PBX1: variants seen among roughly 807,000 people sequenced by gnomAD.
PBX1 encodes pre-B-cell leukemia transcription factor 1.
Under a neutral mutation model 53.4 loss-of-function variants are expected in PBX1, and 6 were observed. The observed-to-expected ratio is 0.11, with a 90% CI of 0.06 to 0.22. The LOEUF (loss-of-function observed/expected upper bound fraction) is 0.22, where lower values mean the gene tolerates loss of function less well. PBX1 is among the 10% of genes least tolerant of loss of function. PBX1 has a pLI of 1.00. For missense variants in PBX1, 251 were observed against 551.4 expected, an observed-to-expected ratio of 0.46 and a Z score of 5.46; for synonymous variants, 204 against 212.3, an observed-to-expected ratio of 0.96 and a Z score of 0.34.
At chr1:164,648,755 G>A (rs1441554627) in intron 2 of PBX1, among the ~76,000 whole-genome samples, 1 of 152,196 alleles carries the variant, frequency 6.6e-6, no homozygotes, top group East Asian at 1.9e-4. Context: ...AGATAGGAGA[G>A]AAAACATGAG....
chr1:164,669,995 G>T (rs576573486), intron 2 of PBX1, among the ~76,000 whole-genome samples: 3 of 152,086 alleles, frequency 2.0e-5, no homozygotes, highest in Non-Finnish European at 4.4e-5. Context: ...TTCCAAAGCT[G>T]CCAGCAGTAT....
At chr1:164,776,305 T>A (rs985156478) in intron 2 of PBX1, among the ~76,000 whole-genome samples, 26 of 152,302 alleles carry the variant, frequency 1.7e-4, no homozygotes, top group African/African-American at 6.3e-4. Context: ...ACATGGGTGT[T>A]CCTTAGGTGT....
rs1353300228 is a variant in PBX1, at chr1:164,807,545, G to T, written c.705G>T (p.Arg235=). ...ILRSRFLDAR[R]KRRNFNKQAT... ...TATTTCCTTTCTCTTTACAAAGGCG[G>T]AAGAGACGGAATTTCAACAAGCAAG... Residue 235 remains arginine (R), a synonymous_variant, in exon 5 of 9, where the codon CGG becomes CGT. Transcript: ENST00000420696. 1 of 1,613,158 alleles carries T rather than the reference G, an allele frequency of 6.2e-7. No homozygotes were observed. The highest frequency in any genetic ancestry group is 2.2e-5 in the East Asian group (1 of 44,868).
Position 164,705,096 on chromosome 1 carries a change from G to A in PBX1, c.266-87398G>A, listed in dbSNP as rs150204574. 7.6e-3 allele frequency among the ~76,000 whole-genome samples: 1,153 copies of A among 152,176 alleles called. 18 individuals are homozygous for A. Among genetic ancestry groups the A allele is most frequent in the African/African-American group, 0.027 (1,101 of 41,500 alleles). The stretch of plus-strand genomic sequence containing the variant: ...TTGAGGCCAGATGATCCTTCATTAT[G>A]GGGGCTGCCCTGTGTACCGTAAGCT... On this transcript the variant is annotated intron_variant, in intron 2 of 8. Transcript: ENST00000420696.
At chr1:164,873,084 G>A (rs1212468532) in intron 2 of PBX1, among the ~76,000 whole-genome samples, 3 of 152,112 alleles carry the variant, frequency 2.0e-5, no homozygotes, top group Non-Finnish European at 4.4e-5. Context: ...AGAAACTTTA[G>A]GTAACTTAGG....
intron 2 of PBX1, among the ~76,000 whole-genome samples, chr1:164,735,599 G>A (rs1486421503): frequency 6.6e-6 from 1 of 152,176 alleles, no homozygotes; most frequent in Non-Finnish European, 1.5e-5. Flanking sequence ...CTTTCAGAAC[G>A]AATGGCTTTA....
At chr1:164,754,127 G>C (rs1666375236) in intron 2 of PBX1, among the ~76,000 whole-genome samples, 1 of 152,174 alleles carries the variant, frequency 6.6e-6, no homozygotes, top group Non-Finnish European at 1.5e-5. Flanking sequence ...GTGATAGTGT[G>C]TGCCCACTGC....
intron 2 of PBX1, among the ~76,000 whole-genome samples, chr1:164,695,556 A>G (rs72696452): frequency 0.029 from 4,353 of 152,286 alleles, 129 homozygotes; most frequent in Middle Eastern, 0.037. Context: ...AGTTCTAGAT[A>G]TTCCTCTTCC....
chr1:164,590,477 C>T (rs1232552957), intron 2 of PBX1: 1 of 455,954 alleles, frequency 2.2e-6, no homozygotes, highest in Non-Finnish European at 4.4e-6. Context: ...GGGGCCTAAA[C>T]TGACGAGGAG....
chr1:164,724,053 G>C (rs1664548259), intron 2 of PBX1, among the ~76,000 whole-genome samples: 1 of 152,158 alleles, frequency 6.6e-6, no homozygotes, highest in Non-Finnish European at 1.5e-5. Flanking sequence ...CTAAAACCTG[G>C]AATGACTTTC....
At position 164,667,484 on chromosome 1, in the gene PBX1, C is replaced by A. The variant is rs552692679; in HGVS notation, c.265+104173C>A. On this transcript the variant is annotated intron_variant, in intron 2 of 8. Transcript: ENST00000420696. ...TATACAGGCAGAGCAATAACTTCGA[C>A]CCTGGCAGAACTACAGAGAAGCAGT... Among the ~76,000 whole-genome samples, 10 of 152,002 alleles carry A rather than the reference C, an allele frequency of 6.6e-5. No homozygotes were observed. The South Asian group carries it at 2.1e-3, about 32-fold the overall frequency.
chr1:164,636,779 C>T (rs1483046284), intron 2 of PBX1, among the ~76,000 whole-genome samples: 2 of 152,096 alleles, frequency 1.3e-5, no homozygotes, highest in African/African-American at 4.8e-5. Flanking sequence ...TTATATTTTC[C>T]ACCAAGCTGC....
chr1:164,871,637 G>T (rs1399148087), intron 2 of PBX1, among the ~76,000 whole-genome samples: 1 of 152,136 alleles, frequency 6.6e-6, no homozygotes, highest in Non-Finnish European at 1.5e-5. Context: ...GCCTTGCTTG[G>T]AGTTCTCAAG....
intron 8 of PBX1, among the ~76,000 whole-genome samples, chr1:164,822,473 C>G (rs961145464): frequency 2.6e-5 from 4 of 151,938 alleles, no homozygotes; most frequent in Non-Finnish European, 5.9e-5. Flanking sequence ...GTTTCTGTTG[C>G]TATGATTAAA....
chr1:164,848,971 A>G lies in PBX1; in HGVS notation c.*2295A>G. On this transcript the variant is annotated 3_prime_UTR_variant, in exon 9 of 9. Transcript: ENST00000420696. ...AGGCACTAGAAAGGTTGTGTCTACT[A>G]ACTTCAGCCCTAATCAGAACAGATG... 1 of 1,090,340 alleles carries G rather than the reference A, an allele frequency of 9.2e-7. No individual in the cohort carries two copies. Among genetic ancestry groups the G allele is most frequent in the Non-Finnish European group, 1.1e-6 (1 of 895,854 alleles). The allele number at this position is 1,090,340 out of a possible 1,614,324, so 67.5% of individuals were successfully genotyped here.
chr1:164,721,428 AGTGTGTGTGT>A (rs112904192), intron 2 of PBX1, among the ~76,000 whole-genome samples: 1 of 149,442 alleles, frequency 6.7e-6, no homozygotes, highest in African/African-American at 2.5e-5. Context: ...GTGGCAGTGT[AGTGTGTGTGT>A]GTGTGTGTGT....
chr1:164,569,947 T>A (rs1358771556), intron 2 of PBX1, among the ~76,000 whole-genome samples: 1 of 152,166 alleles, frequency 6.6e-6, no homozygotes, highest in Non-Finnish European at 1.5e-5. Context: ...GAAAAGAGAA[T>A]GGGTAAGAAC....
intron 2 of PBX1, among the ~76,000 whole-genome samples, chr1:164,663,944 C>G (rs1245772842): frequency 6.6e-6 from 1 of 152,178 alleles, no homozygotes; most frequent in African/African-American, 2.4e-5. Context: ...CTGAATGGTG[C>G]CTGATTATTT....
chr1:164,685,987 G>A (rs1181322037), intron 2 of PBX1, among the ~76,000 whole-genome samples: 1 of 152,178 alleles, frequency 6.6e-6, no homozygotes, highest in Non-Finnish European at 1.5e-5. Context: ...GGAAGAGTCT[G>A]GGCCTTGGAG....
Sources: allele counts gnomAD v4.1 joint callset (sites outside exome capture counted in the v4.1 genomes callset), GRCh38; gene constraint gnomAD v4.1.1; transcripts MANE v1.5; gene names NCBI Gene and HGNC (gene_info 2026-07-23, HGNC 2026-07-21).